RASAL2: variants seen among roughly 807,000 people sequenced by gnomAD.
The protein encoded by RASAL2 is RAS protein activator like 2.
RASAL2 carries 58 observed loss-of-function variants against 128.9 expected under a neutral mutation model. The ratio of observed to expected loss-of-function variants is 0.45; its 90% CI spans 0.36 to 0.56. RASAL2 has a LOEUF of 0.56. RASAL2 is among the 20% of genes least tolerant of loss of function. The probability of loss-of-function intolerance (pLI) is 0.00; values close to 1 mark genes in which losing one functional copy is unlikely to be tolerated. For synonymous variants in RASAL2, 561 were observed against 580.8 expected (o/e 0.97, Z 0.49); for missense variants, 1,360 against 1,601.6 (o/e 0.85, Z 2.57).
At chr1:178,277,393 A>G (rs936945262) in intron 1 of RASAL2, among the ~76,000 whole-genome samples, 1 of 152,132 alleles carries the variant, frequency 6.6e-6, no homozygotes, top group Non-Finnish European at 1.5e-5. Flanking sequence ...TTCTGAGTTC[A>G]AGTGATCCAC....
intron 1 of RASAL2, among the ~76,000 whole-genome samples, chr1:178,225,584 T>G (rs1027156223): frequency 6.6e-6 from 1 of 151,994 alleles, no homozygotes; most frequent in Non-Finnish European, 1.5e-5. Flanking sequence ...AGGTCTAAGG[T>G]GATTTCTTAG....
chr1:178,467,542 G>A (rs1171199875), intron 17 of RASAL2, 121 bp downstream of exon 17: 12 of 746,762 alleles, frequency 1.6e-5, no homozygotes, highest in South Asian at 9.9e-5. Flanking sequence ...AGTTCTAGAC[G>A]CTACATTTTG....
chr1:178,341,685 A>C, intron 3 of RASAL2: 1 of 1,590,942 alleles, frequency 6.3e-7, no homozygotes, highest in Non-Finnish European at 8.6e-7. Context: ...AAAATTACAC[A>C]AATGCAGTGA....
At chr1:178,434,034 A>G in intron 5 of RASAL2, among the ~76,000 whole-genome samples, 1 of 152,126 alleles carries the variant, frequency 6.6e-6, no homozygotes, top group East Asian at 1.9e-4. Context: ...AATCAGAAAT[A>G]AGGAAATAAA....
At chr1:178,432,173 G>A (rs1382929794) in intron 5 of RASAL2, among the ~76,000 whole-genome samples, 2 of 151,842 alleles carry the variant, frequency 1.3e-5, no homozygotes, top group Non-Finnish European at 2.9e-5. Context: ...TCAAACCCAT[G>A]TCTCCCTCTA....
chr1:178,473,221 C>G lies in RASAL2; in HGVS notation c.3825C>G (p.Phe1275Leu). The change falls in exon 18 of 18, where the codon TTC (phenylalanine) becomes TTG (leucine). Residue 1275 changes from phenylalanine (F) to leucine (L), a missense_variant. Physicochemically the swap from Phe to Leu is conservative, Grantham distance 22. Coordinates refer to ENST00000367649, the MANE Select transcript of RASAL2 (RefSeq NM_170692.4). ...TKLSITENGE[F>L]KNSSC is the part of the protein sequence containing the mutation. Reference sequence around the variant, plus strand: ...TTTCCATCACGGAGAATGGTGAATTCAAAAACAGCAGCTGCTGACGGGCTT... The same window carrying G: ...TTTCCATCACGGAGAATGGTGAATTGAAAAACAGCAGCTGCTGACGGGCTT... 6.2e-7 allele frequency: 1 copy of G among 1,614,178 alleles called. No individual in the cohort carries two copies. The highest frequency in any genetic ancestry group is 8.5e-7 in the Non-Finnish European group (1 of 1,180,032).
At chr1:178,397,416 G>A (rs1288092902) in intron 4 of RASAL2, among the ~76,000 whole-genome samples, 2 of 152,166 alleles carry the variant, frequency 1.3e-5, no homozygotes, top group Non-Finnish European at 2.9e-5. Context: ...GAGATGTTCA[G>A]AATAGGCAAA....
At chr1:178,338,113 A>AT (rs1004080501) in intron 3 of RASAL2, among the ~76,000 whole-genome samples, 4 of 150,922 alleles carry the variant, frequency 2.7e-5, no homozygotes, top group African/African-American at 4.9e-5. Flanking sequence ...TGGTTTCAGA[A>AT]TTTTTTTTTA....
At chr1:178,185,165 A>G (rs1419183985) in intron 1 of RASAL2, among the ~76,000 whole-genome samples, 3 of 151,438 alleles carry the variant, frequency 2.0e-5, no homozygotes. Flanking sequence ...CATAAAGGAA[A>G]TCAATAGTCT....
intron 1 of RASAL2, among the ~76,000 whole-genome samples, chr1:178,280,510 G>A (rs1224218953): frequency 6.6e-6 from 1 of 151,882 alleles, no homozygotes; most frequent in African/African-American, 2.4e-5. Flanking sequence ...AACCCATATT[G>A]ATATAACCCA....
intron 3 of RASAL2, among the ~76,000 whole-genome samples, chr1:178,337,701 T>C (rs1255619440): frequency 6.6e-6 from 1 of 152,146 alleles, no homozygotes; most frequent in Non-Finnish European, 1.5e-5. Context: ...TGTTCATTAA[T>C]TTATTTGATA....
intron 1 of RASAL2, among the ~76,000 whole-genome samples, chr1:178,242,463 C>G (rs1411304425): frequency 8.2e-6 from 1 of 121,412 alleles, no homozygotes; most frequent in African/African-American, 3.5e-5. Context: ...CTCTCTCTCT[C>G]TCTCTCTCTC....
chr1:178,290,878 G>C (rs7528155), intron 2 of RASAL2, among the ~76,000 whole-genome samples: 2 of 151,744 alleles, frequency 1.3e-5, no homozygotes, highest in South Asian at 4.2e-4. Flanking sequence ...GGGTTTCATC[G>C]TGTTAGCCAG....
intron 2 of RASAL2, among the ~76,000 whole-genome samples, chr1:178,287,263 G>A (rs1325065921): frequency 6.6e-6 from 1 of 151,602 alleles, no homozygotes; most frequent in African/African-American, 2.4e-5. Flanking sequence ...TTAAACAAAT[G>A]GCTGCAAACC....
At chr1:178,468,129 A>G (rs1356400123) in intron 17 of RASAL2, among the ~76,000 whole-genome samples, 1 of 152,246 alleles carries the variant, frequency 6.6e-6, no homozygotes, top group East Asian at 1.9e-4. Flanking sequence ...AAAATCCAGG[A>G]GGCAAGAAGT....
intron 3 of RASAL2, among the ~76,000 whole-genome samples, chr1:178,375,133 A>G (rs1671917876): frequency 1.3e-5 from 2 of 152,186 alleles, no homozygotes; most frequent in South Asian, 4.1e-4. Context: ...ATTATCTTAC[A>G]GAGATAGGGT....
In RASAL2 at chr1:178,458,227, A is replaced by G. The variant is rs201412988; in HGVS notation, c.2935A>G (p.Ser979Gly). The change falls in exon 14 of 18, where the codon AGC becomes GGC. Residue 979 changes from serine (S) to glycine (G), a missense_variant. By Grantham distance (56) the Ser-to-Gly change is moderately conservative. Coordinates refer to ENST00000367649, the MANE Select transcript of RASAL2 (RefSeq NM_170692.4). Reference protein sequence around the residue: ...NSSMEDFTKRSTQSEDFSRRH... With the variant: ...NSSMEDFTKRGTQSEDFSRRH... ...CAGCATGGAAGATTTCACTAAACGT[A>G]GCACTCAGAGTGAGGACTTCTCCAG... is the stretch of plus-strand genomic sequence containing the variant. 8.7e-6 allele frequency: 14 copies of G among 1,614,150 alleles called. No homozygotes were observed. Among genetic ancestry groups the G allele is most frequent in the Non-Finnish European group, 1.1e-5 (13 of 1,180,050 alleles).
intron 1 of RASAL2, among the ~76,000 whole-genome samples, chr1:178,183,823 C>T (rs1662199510): frequency 6.6e-6 from 1 of 152,148 alleles, no homozygotes; most frequent in South Asian, 2.1e-4. Flanking sequence ...GTGTAAATAC[C>T]TAGGAGCATG....
At chr1:178,118,532 T>C (rs543897530) in intron 1 of RASAL2, among the ~76,000 whole-genome samples, 22 of 152,310 alleles carry the variant, frequency 1.4e-4, no homozygotes, top group African/African-American at 5.1e-4. Flanking sequence ...TCACCTGGCT[T>C]AGTCACAAAT....
Sources: gnomAD v4.1 joint callset for allele counts (sites outside exome capture counted in the v4.1 genomes callset) on GRCh38, gnomAD v4.1.1 for gene constraint, MANE v1.5 for transcripts, NCBI Gene and HGNC (gene_info 2026-07-23, HGNC 2026-07-21) for gene names.